Variants in DMD observed in about 807,000 individuals in gnomAD.
The protein encoded by DMD is dystrophin, also known as mutant dystrophin.
Under a neutral mutation model 330.1 loss-of-function variants are expected in DMD, and 63 were observed. The ratio of observed to expected loss-of-function variants is 0.19; its 90% CI spans 0.16 to 0.24. The LOEUF (loss-of-function observed/expected upper bound fraction) is 0.24. Among genes scored for constraint, DMD ranks in the 10% least tolerant of loss-of-function variants. The pLI is 1.00. For missense variants in DMD, 3,344 were observed against 2,684.1 expected (o/e 1.25, Z -5.43); for synonymous variants, 1,223 against 959.8 (o/e 1.27, Z -5.07).
intron 1 of DMD, among the ~76,000 whole-genome samples, chrX:33,163,265 G>A (rs1203275483): frequency 4.5e-5 from 5 of 110,725 alleles, no homozygotes; most frequent in East Asian, 2.8e-4. Flanking sequence ...GGCCGGGCAC[G>A]ATGGCTCAAG....
At chrX:32,052,205 GAA>G (rs2096121539) in intron 44 of DMD, among the ~76,000 whole-genome samples, 1 of 110,770 alleles carries the variant, frequency 9.0e-6, no homozygotes, top group Non-Finnish European at 1.9e-5. Context: ...TTTTCACATA[GAA>G]GTTAAGTCAC....
At chrX:31,817,142 G>A (rs2092651751) in intron 50 of DMD, among the ~76,000 whole-genome samples, 1 of 111,222 alleles carries the variant, frequency 9.0e-6, no homozygotes. Context: ...GTTATTTTGA[G>A]GATAAAGACA....
chrX:31,662,051 G>A (rs2148640276), intron 53 of DMD, among the ~76,000 whole-genome samples: 1 of 112,090 alleles, frequency 8.9e-6, no homozygotes, highest in African/African-American at 3.2e-5. Context: ...AAGAGAAAGA[G>A]TAGCTAAAAG....
intron 1 of DMD, among the ~76,000 whole-genome samples, chrX:33,158,745 AT>A: frequency 9.0e-6 from 1 of 111,517 alleles, no homozygotes; most frequent in Non-Finnish European, 1.9e-5. Flanking sequence ...CAGCACCCCA[AT>A]TAATTGCCCT....
intron 44 of DMD, among the ~76,000 whole-genome samples, chrX:31,989,194 C>G (rs1162264536): frequency 1.8e-5 from 2 of 111,567 alleles, no homozygotes; most frequent in Non-Finnish European, 3.8e-5. Context: ...TCTACTGATT[C>G]AAATGTGAAT....
At chrX:31,310,816 A>G (rs1013998169) in intron 62 of DMD, among the ~76,000 whole-genome samples, 2 of 108,177 alleles carry the variant, frequency 1.8e-5, no homozygotes, top group African/African-American at 3.4e-5. Context: ...TGACCCCCCA[A>G]AGTGCTGGGA....
intron 76 of DMD, among the ~76,000 whole-genome samples, chrX:31,143,339 C>G (rs768295255): frequency 2.7e-5 from 3 of 110,723 alleles, no homozygotes; most frequent in Non-Finnish European, 5.7e-5. Context: ...TCTCCCCTCG[C>G]TTTCTCTCTC....
At chrX:31,722,074 AATTT>A (rs1411556229) in intron 52 of DMD, among the ~76,000 whole-genome samples, 144 of 108,849 alleles carry the variant, frequency 1.3e-3, no homozygotes, top group African/African-American at 4.4e-3. Context: ...TGTGCACCAA[AATTT>A]ATTTGATACA....
intron 2 of DMD, among the ~76,000 whole-genome samples, chrX:32,975,441 A>G (rs1485982827): frequency 3.8e-5 from 4 of 104,651 alleles, no homozygotes; most frequent in African/African-American, 1.4e-4. Flanking sequence ...GGGTCTAGGA[A>G]GCTGAGAGGC....
chrX:32,629,799 T>TAAA (rs57965070), intron 11 of DMD, among the ~76,000 whole-genome samples: 3 of 99,206 alleles, frequency 3.0e-5, no homozygotes, highest in African/African-American at 1.1e-4. Flanking sequence ...AAGAGAAAAC[T>TAAA]AAAAAAAAAA....
At chrX:33,291,022 A>G (rs1603428739) in intron 1 of DMD, among the ~76,000 whole-genome samples, 1 of 111,335 alleles carries the variant, frequency 9.0e-6, no homozygotes, top group East Asian at 2.8e-4. Context: ...AATACTGGCA[A>G]ACTGAATCCA....
At chrX:32,795,418 G>A (rs759440094) in intron 7 of DMD, among the ~76,000 whole-genome samples, 46 of 112,189 alleles carry the variant, frequency 4.1e-4, no homozygotes, top group Admixed American at 1.7e-3. Flanking sequence ...GTCAGATGCA[G>A]AAGTATGAAA....
At chrX:32,736,582 G>A (rs984484086) in intron 7 of DMD, among the ~76,000 whole-genome samples, 9 of 110,593 alleles carry the variant, frequency 8.1e-5, no homozygotes, top group East Asian at 2.8e-4. Context: ...AATGCTATGC[G>A]GCCATAAAAA....
At chrX:32,205,039 A>ACACACACC (rs2097060846) in intron 44 of DMD, among the ~76,000 whole-genome samples, 1 of 86,558 alleles carries the variant, frequency 1.2e-5, no homozygotes, top group Non-Finnish European at 2.3e-5. Context: ...ACACACACAC[A>ACACACACC]CACCCACACA....
intron 47 of DMD, among the ~76,000 whole-genome samples, chrX:31,917,491 G>A (rs1205103154): frequency 9.0e-6 from 1 of 111,681 alleles, no homozygotes; most frequent in African/African-American, 3.3e-5. Flanking sequence ...CCAGTTTTTG[G>A]TGAATCAGTG....
At chrX:31,176,726 T>G (rs2040545279) in intron 71 of DMD, among the ~76,000 whole-genome samples, 1 of 111,484 alleles carries the variant, frequency 9.0e-6, no homozygotes, top group African/African-American at 3.2e-5. Context: ...TAACTGAACC[T>G]AAATAACTCC....
chrX:31,367,342 A>C (rs1458115048), intron 60 of DMD, among the ~76,000 whole-genome samples: 1 of 111,480 alleles, frequency 9.0e-6, no homozygotes, highest in Non-Finnish European at 1.9e-5. Flanking sequence ...GCCTTTAATG[A>C]ACAGCAGTAC....
chrX:32,406,877 C>A (rs773493591), intron 30 of DMD, among the ~76,000 whole-genome samples: 1 of 110,846 alleles, frequency 9.0e-6, no homozygotes, highest in African/African-American at 3.3e-5. Context: ...AATGGGGAAA[C>A]GATTCCCTAT....
intron 47 of DMD, among the ~76,000 whole-genome samples, chrX:31,909,628 T>C (rs1303998190): frequency 1.8e-5 from 2 of 110,852 alleles, no homozygotes; most frequent in Non-Finnish European, 3.8e-5. Flanking sequence ...AGAGAACCAA[T>C]AGACGCATTA....
Sources: gnomAD v4.1 joint callset for allele counts (sites outside exome capture counted in the v4.1 genomes callset) on GRCh38, gnomAD v4.1.1 for gene constraint, MANE v1.5 for transcripts, NCBI Gene and HGNC (gene_info 2026-07-23, HGNC 2026-07-21) for gene names.